ROPN1: variants seen among roughly 807,000 people sequenced by gnomAD.
ROPN1 encodes the protein ropporin-1A.
In ROPN1, 14 loss-of-function variants were observed where a neutral mutation model predicts 20.5. The ratio of observed to expected loss-of-function variants is 0.68; its 90% confidence interval spans 0.45 to 1.07. ROPN1 has a LOEUF of 1.07. Among genes scored for constraint, ROPN1 ranks in the 50% least tolerant of loss-of-function variants. The pLI is 0.00. For synonymous variants in ROPN1, 76 were observed against 95.7 expected (o/e 0.79, Z 1.20); for missense variants, 169 against 242.8 (o/e 0.70, Z 2.02).
In ROPN1 at chr3:123,983,997, C is replaced by G. The variant is rs2038202960; in HGVS notation, c.-12-3504G>C. Among the ~76,000 whole-genome samples, 8 of 152,162 alleles carry G rather than the reference C, an allele frequency of 5.3e-5. No homozygotes were observed. The South Asian group carries it at 1.7e-3, about 32-fold the overall frequency. The stretch of plus-strand genomic sequence containing the variant: ...CATGACAATTCTTTCCTTCTTGAGA[C>G]TTTCTCTTCCTTTGATAGCATACGC... On this transcript the variant is annotated intron_variant, in intron 1 of 5. Coordinates refer to ENST00000405845, the MANE Select transcript of ROPN1 (RefSeq NM_001317774.2).
At chr3:123,972,497 C>T (rs2037935769) in intron 4 of ROPN1, among the ~76,000 whole-genome samples, 1 of 152,224 alleles carries the variant, frequency 6.6e-6, no homozygotes, top group South Asian at 2.1e-4. Flanking sequence ...TTATTTTCTA[C>T]ATACGTGATC....
Position 123,969,895 on chromosome 3 carries a change from C to T in ROPN1, c.572+147G>A, listed in dbSNP as rs531375459. 58 of 774,598 alleles carry T rather than the reference C, an allele frequency of 7.5e-5. 1 individual carries two copies. The highest frequency in any genetic ancestry group is 1.3e-4 in the South Asian group (6 of 46,684). 48.0% of individuals were successfully genotyped at this position (774,598 alleles called of 1,614,324 possible). A position where few individuals can be genotyped will look rare whatever the true frequency, so the allele number is the denominator to read the frequency against. On this transcript the variant is annotated intron_variant, in intron 5 of 5. Transcript: ENST00000405845. ...TCCTTCCTCTTCTCCTTCCCTTTCCCGTTTTCTTTCAGATCATCCATATTT... is the reference window on the plus strand; with the variant it reads ...TCCTTCCTCTTCTCCTTCCCTTTCCTGTTTTCTTTCAGATCATCCATATTT...
At chr3:123,988,633 A>G (rs1310750053) in intron 1 of ROPN1, among the ~76,000 whole-genome samples, 42 of 152,170 alleles carry the variant, frequency 2.8e-4, no homozygotes, top group Non-Finnish European at 1.0e-4. Flanking sequence ...GGGCAGATGA[A>G]GCTGTAGTGA....
intron 1 of ROPN1, among the ~76,000 whole-genome samples, chr3:123,991,706 G>C: frequency 6.8e-6 from 1 of 146,758 alleles, no homozygotes; most frequent in African/African-American, 2.4e-5. Flanking sequence ...CCGTATAATA[G>C]TATTCTGGGT....
At chr3:123,984,215 A>G (rs2038206610) in intron 1 of ROPN1, among the ~76,000 whole-genome samples, 1 of 152,096 alleles carries the variant, frequency 6.6e-6, no homozygotes, top group South Asian at 2.1e-4. Flanking sequence ...TGTGGATTGC[A>G]CTTGTTTTCC....
intron 1 of ROPN1, among the ~76,000 whole-genome samples, chr3:123,981,578 G>A (rs978049570): frequency 6.6e-6 from 1 of 152,198 alleles, no homozygotes; most frequent in African/African-American, 2.4e-5. Context: ...ACAGGCAGGG[G>A]TAAGCAACAA....
chr3:123,985,734 G>T (rs116831102), intron 1 of ROPN1, among the ~76,000 whole-genome samples: 1 of 151,894 alleles, frequency 6.6e-6, no homozygotes, highest in African/African-American at 2.4e-5. Flanking sequence ...ATATTTTTTG[G>T]CTGGGTGCAG....
At chr3:123,984,601 T>C (rs1391264494) in intron 1 of ROPN1, among the ~76,000 whole-genome samples, 3 of 152,228 alleles carry the variant, frequency 2.0e-5, no homozygotes, top group Non-Finnish European at 4.4e-5. Flanking sequence ...AGTTGCTTTT[T>C]ATAGTCAGAG....
At chr3:123,987,523 C>G (rs185114530) in intron 1 of ROPN1, among the ~76,000 whole-genome samples, 33 of 152,336 alleles carry the variant, frequency 2.2e-4, no homozygotes, top group African/African-American at 7.7e-4. Flanking sequence ...TTTTACATAA[C>G]TCTGAAAAAC....
chr3:123,980,655 A>G (rs7644284), intron 1 of ROPN1, 162 bp from the exon 2 acceptor site: 41,073 of 545,242 alleles, frequency 0.075, 5,580 homozygotes, highest in East Asian at 0.35. Flanking sequence ...TTAGAAAACC[A>G]TCTGCTAACC....
chr3:123,990,023 T>C (rs968920017), intron 1 of ROPN1, among the ~76,000 whole-genome samples: 2 of 152,176 alleles, frequency 1.3e-5, no homozygotes, highest in African/African-American at 4.8e-5. Flanking sequence ...CTTGTTAAAT[T>C]ATATGCTCAA....
chr3:123,987,682 T>C (rs988440688), intron 1 of ROPN1, among the ~76,000 whole-genome samples: 1 of 152,266 alleles, frequency 6.6e-6, no homozygotes, highest in South Asian at 2.1e-4. Context: ...GACAAACCCA[T>C]GGCCAAGTCA....
intron 1 of ROPN1, among the ~76,000 whole-genome samples, chr3:123,986,525 T>C (rs1315079595): frequency 6.6e-6 from 1 of 151,108 alleles, no homozygotes; most frequent in East Asian, 1.9e-4. Context: ...CAAGCAGGGG[T>C]GGTTGCTTAG....
chr3:123,971,167 G>A lies in ROPN1; in HGVS notation c.397-950C>T, dbSNP rs569518239. Among the ~76,000 whole-genome samples the A allele has an allele frequency of 4.6e-5, 7 of 152,230 alleles. No individual in the cohort carries two copies. The East Asian group carries it at 1.4e-3, about 29-fold the overall frequency. Reference sequence around the variant, plus strand: ...ATGATTAGTAGAGGAGACTTGTCCTGCCTTAGCAGTTGATGTCTGCTGTTC... The same window carrying A: ...ATGATTAGTAGAGGAGACTTGTCCTACCTTAGCAGTTGATGTCTGCTGTTC... On this transcript the variant is annotated intron_variant, in intron 4 of 5. Coordinates refer to ENST00000405845, the MANE Select transcript of ROPN1 (RefSeq NM_001317774.2).
intron 5 of ROPN1, among the ~76,000 whole-genome samples, 161 bp downstream of exon 5, chr3:123,969,881 C>T (rs1309354905): frequency 7.9e-5 from 12 of 152,194 alleles, no homozygotes; most frequent in Non-Finnish European, 1.6e-4. Flanking sequence ...CCTTCCTCTT[C>T]TCCTTCCCTT....
At chr3:123,978,555 T>A (rs1205011721) in intron 2 of ROPN1, 1 of 153,790 alleles carries the variant, frequency 6.5e-6, no homozygotes, top group East Asian at 1.9e-4. Flanking sequence ...CAAATTTGTG[T>A]TGTAACACAT....
chr3:123,970,340 G>C, intron 4 of ROPN1, 123 bp from the exon 5 acceptor site: 1 of 847,504 alleles, frequency 1.2e-6, no homozygotes, highest in Non-Finnish European at 1.8e-6. Flanking sequence ...AACAATTTAA[G>C]ATTCTAGAAA....
intron 4 of ROPN1, among the ~76,000 whole-genome samples, chr3:123,971,620 G>T (rs1466294474): frequency 1.3e-5 from 2 of 152,136 alleles, no homozygotes; most frequent in African/African-American, 4.8e-5. Context: ...TATATATGAG[G>T]CTGTCTGGGA....
intron 1 of ROPN1, among the ~76,000 whole-genome samples, chr3:123,982,254 C>T (rs532750783): frequency 5.5e-4 from 83 of 152,292 alleles, no homozygotes; most frequent in Non-Finnish European, 9.6e-4. Flanking sequence ...TAAAAAGCTT[C>T]AATTGTTAAG....
Sources: allele counts gnomAD v4.1 joint callset (sites outside exome capture counted in the v4.1 genomes callset), GRCh38; gene constraint gnomAD v4.1.1; transcripts MANE v1.5; gene names NCBI Gene and HGNC (gene_info 2026-07-23, HGNC 2026-07-21).